The following FBLN5 variants were observed in gnomAD, a reference collection of about 807,000 sequenced individuals.
FBLN5 encodes the protein fibulin 5.
FBLN5 carries 24 observed loss-of-function variants against 61.6 expected under a neutral mutation model. The ratio of observed to expected loss-of-function variants is 0.39; its 90% confidence interval spans 0.28 to 0.55. The LOEUF (loss-of-function observed/expected upper bound fraction) is 0.55. FBLN5 is among the 20% of genes least tolerant of loss of function. FBLN5 has a pLI of 0.65. For missense variants in FBLN5, 470 were observed against 594.1 expected (o/e 0.79, Z 2.17); for synonymous variants, 213 against 219.8 (o/e 0.97, Z 0.27).
intron 4 of FBLN5, among the ~76,000 whole-genome samples, chr14:91,904,486 C>A (rs1470938657): frequency 6.6e-6 from 1 of 152,238 alleles, no homozygotes; most frequent in Non-Finnish European, 1.5e-5. Context: ...GCAGCCTCAA[C>A]TTCCAGAAGT....
chr14:91,885,029 G>A (rs1324168531), intron 7 of FBLN5, among the ~76,000 whole-genome samples: 1 of 152,218 alleles, frequency 6.6e-6, no homozygotes, highest in South Asian at 2.1e-4. Flanking sequence ...AAGGCTAGGA[G>A]GGGTCTGGGG....
intron 4 of FBLN5, among the ~76,000 whole-genome samples, chr14:91,900,077 T>C (rs1354514060): frequency 1.3e-5 from 2 of 152,230 alleles, no homozygotes; most frequent in Non-Finnish European, 2.9e-5. Flanking sequence ...TATGGAGTTC[T>C]CAGACAGCTT....
chr14:91,886,639 C>T (rs1226541993), intron 7 of FBLN5, among the ~76,000 whole-genome samples: 1 of 152,128 alleles, frequency 6.6e-6, no homozygotes. Context: ...AATCATTTAT[C>T]CATTGATTCG....
At chr14:91,928,665 G>A (rs2055870559) in intron 4 of FBLN5, among the ~76,000 whole-genome samples, 1 of 152,216 alleles carries the variant, frequency 6.6e-6, no homozygotes, top group East Asian at 1.9e-4. Flanking sequence ...CCAGCTACTC[G>A]GGAGGCTGAG....
rs113395651 is a variant in FBLN5 at position 91,881,123 on chromosome 14, A to ACCCC, written c.989+168_989+169insGGGG. 3.8e-3 allele frequency among the ~76,000 whole-genome samples: 458 copies of ACCCC among 120,370 alleles called. 3 individuals are homozygous for ACCCC. Among genetic ancestry groups the ACCCC allele is most frequent in the African/African-American group, 0.012 (385 of 31,970 alleles). 79.0% of individuals were successfully genotyped at this position (120,370 alleles called of 152,430 possible). On this transcript the variant is annotated intron_variant, in intron 9 of 10. Coordinates refer to ENST00000342058, the MANE Select transcript of FBLN5 (RefSeq NM_006329.4). ...TCTATTCTACTCTGTTCTATTCTAC[A>ACCCC]CACACACACACACACACACACACAC... is the stretch of plus-strand genomic sequence containing the variant.
intron 4 of FBLN5, among the ~76,000 whole-genome samples, chr14:91,895,870 C>A (rs1890203615): frequency 6.6e-6 from 1 of 151,176 alleles, no homozygotes; most frequent in Admixed American, 6.6e-5. Context: ...ATGGTATTCA[C>A]CCGTGAAAAT....
intron 4 of FBLN5, among the ~76,000 whole-genome samples, chr14:91,912,070 T>C (rs1243351414): frequency 6.6e-6 from 1 of 152,292 alleles, no homozygotes; most frequent in Non-Finnish European, 1.5e-5. Flanking sequence ...AACATTGTTA[T>C]AAATGTTGTT....
Position 91,947,157 on chromosome 14 carries a change from T to C in FBLN5, c.17+56A>G, listed in dbSNP as rs1284626309. On this transcript the variant is annotated intron_variant, in intron 1 of 10. Transcript: ENST00000342058. This position sits in a 1 kb window ranked among gnomAD's most constrained non-coding sequence, Gnocchi z 4.3. ...CCATAACCATTTTCCACCCATCGGATTTTTAGCAAGGCTTCCAGACCCTGG... is the reference window on the plus strand; with the variant it reads ...CCATAACCATTTTCCACCCATCGGACTTTTAGCAAGGCTTCCAGACCCTGG... The C allele has an allele frequency of 1.2e-6, 2 of 1,613,096 alleles. No homozygotes were observed. Among genetic ancestry groups the C allele is most frequent in the Non-Finnish European group, 1.7e-6 (2 of 1,179,128 alleles).
intron 4 of FBLN5, among the ~76,000 whole-genome samples, chr14:91,901,405 G>A (rs935137163): frequency 2.0e-5 from 3 of 152,080 alleles, no homozygotes; most frequent in East Asian, 1.9e-4. Flanking sequence ...TTTTGGATAT[G>A]GCAAAAATCA....
intron 4 of FBLN5, among the ~76,000 whole-genome samples, chr14:91,911,908 G>C (rs1406096253): frequency 6.6e-6 from 1 of 152,092 alleles, no homozygotes; most frequent in Non-Finnish European, 1.5e-5. Flanking sequence ...AACTTGCTAA[G>C]AGGGTAACCT....
intron 4 of FBLN5, among the ~76,000 whole-genome samples, chr14:91,906,814 C>G (rs1890703304): frequency 6.6e-6 from 1 of 152,176 alleles, no homozygotes; most frequent in Admixed American, 6.5e-5. Flanking sequence ...CCCACTGCCC[C>G]CAATGCCTCT....
intron 4 of FBLN5, among the ~76,000 whole-genome samples, chr14:91,914,460 A>C (rs1024695739): frequency 4.9e-5 from 7 of 142,284 alleles, no homozygotes; most frequent in African/African-American, 1.1e-4. Context: ...CCTGGGCGAC[A>C]GAGTGAGACT....
At chr14:91,895,215 C>T (rs1466468293) in intron 4 of FBLN5, 143 bp from the exon 5 acceptor site, 20 of 885,554 alleles carry the variant, frequency 2.3e-5, no homozygotes, top group South Asian at 7.0e-5. Context: ...AGTGCTTCCC[C>T]GATGGGCACC....
chr14:91,929,422 C>T (rs952300339), intron 4 of FBLN5, among the ~76,000 whole-genome samples: 7 of 152,114 alleles, frequency 4.6e-5, no homozygotes, highest in African/African-American at 1.7e-4. Context: ...TATCCACAGA[C>T]CCCAGATTAC....
At chr14:91,888,280 CAG>C (rs1889821661) in intron 6 of FBLN5, among the ~76,000 whole-genome samples, 1 of 150,948 alleles carries the variant, frequency 6.6e-6, no homozygotes, top group South Asian at 2.1e-4. Flanking sequence ...GCCTGGGTGA[CAG>C]AGTGAGACCC....
At chr14:91,900,016 C>A (rs566185775) in intron 4 of FBLN5, among the ~76,000 whole-genome samples, 1 of 152,352 alleles carries the variant, frequency 6.6e-6, no homozygotes, top group South Asian at 2.1e-4. Flanking sequence ...GTCCTTGGAG[C>A]AGGACTCTGC....
rs1193247926 is a variant in FBLN5 at position 91,926,307 on chromosome 14, G to A, written c.379+10640C>T. Among the ~76,000 whole-genome samples the A allele has an allele frequency of 4.6e-5, 7 of 152,310 alleles. No homozygotes were observed. In the South Asian group the frequency reaches 1.2e-3, roughly 27 times the overall value. On this transcript the variant is annotated intron_variant, in intron 4 of 10. Coordinates refer to ENST00000342058, the MANE Select transcript of FBLN5 (RefSeq NM_006329.4). Reference sequence around the variant, plus strand: ...CAAGGCCCAGGGCTGGCTGCTGGAGGGAGGCTGTCTGGCTCATGGGTCTCT... The same window carrying A: ...CAAGGCCCAGGGCTGGCTGCTGGAGAGAGGCTGTCTGGCTCATGGGTCTCT...
chr14:91,876,393 G>A (rs2139947762), intron 10 of FBLN5, among the ~76,000 whole-genome samples: 1 of 152,314 alleles, frequency 6.6e-6, no homozygotes, highest in South Asian at 2.1e-4. Context: ...GCAGATTCCT[G>A]GGTGCAGTAT....
In FBLN5 at chr14:91,941,451, T is replaced by A. The variant is rs17127764; in HGVS notation, c.73-835A>T. Among the ~76,000 whole-genome samples the A allele has an allele frequency of 7.5e-3, 1,137 of 152,242 alleles. 16 individuals are homozygous for A. The highest frequency in any genetic ancestry group is 0.025 in the African/African-American group (1,055 of 41,550). ...TCAGGAAGACCCCAGGGCCTGACAT[T>A]TTCTAGGAGCTCCCATCCCTGGCCT... On this transcript the variant is annotated intron_variant, in intron 2 of 10. Coordinates refer to ENST00000342058, the MANE Select transcript of FBLN5 (RefSeq NM_006329.4).
Sources: allele counts gnomAD v4.1 joint callset (sites outside exome capture counted in the v4.1 genomes callset), GRCh38; gene constraint gnomAD v4.1.1; non-coding constraint Gnocchi (gnomAD v3.1); transcripts MANE v1.5; gene names NCBI Gene and HGNC (gene_info 2026-07-23, HGNC 2026-07-21).